Variants in CASTOR2 observed in about 807,000 individuals in gnomAD.
CASTOR2 encodes cytosolic arginine sensor for mTORC1 subunit 2.
CASTOR2 carries 8 observed loss-of-function variants against 31.2 expected under a neutral mutation model. The observed-to-expected ratio is 0.26, with a 90% CI of 0.15 to 0.46. CASTOR2 has a LOEUF of 0.46. CASTOR2 is among the 20% of genes least tolerant of loss of function. The pLI is 0.99. For synonymous variants in CASTOR2, 162 were observed against 158.7 expected (o/e 1.02, Z -0.16); for missense variants, 216 against 382.1 (o/e 0.57, Z 3.62).
At chr7:74,986,622 C>T (rs1554436781) in intron 1 of CASTOR2, among the ~76,000 whole-genome samples, 1 of 152,164 alleles carries the variant, frequency 6.6e-6, no homozygotes, top group Non-Finnish European at 1.5e-5. Context: ...TGCTTCTGAT[C>T]ACCTGCCCCT....
intron 1 of CASTOR2, among the ~76,000 whole-genome samples, chr7:74,982,161 A>T (rs1803958593): frequency 6.8e-6 from 1 of 146,080 alleles, no homozygotes; most frequent in African/African-American, 2.6e-5. Flanking sequence ...TGGAACGCTG[A>T]TAGGGGATGG....
Position 74,996,708 on chromosome 7 carries a change from C to T in CASTOR2, c.114-11286C>T, listed in dbSNP as rs1447419193. Among the ~76,000 whole-genome samples the T allele has an allele frequency of 3.3e-5, 4 of 120,996 alleles. No individual in the cohort carries two copies. The South Asian group carries it at 8.8e-4, about 27-fold the overall frequency. The allele number at this position is 120,996 out of a possible 152,430, so 79.4% of individuals were successfully genotyped here. On this transcript the variant is annotated intron_variant, in intron 1 of 8. Coordinates refer to ENST00000616305, the MANE Select transcript of CASTOR2 (RefSeq NM_001145064.3). The stretch of plus-strand genomic sequence containing the variant: ...TGTTTATGAAAGCAACCACAGCATG[C>T]CTGGTGCTTTTTTTTTTTTTTTTTT...
rs1805086098 is a variant in CASTOR2 at position 75,024,902 on chromosome 7, G to A, written c.*203G>A. ...CTCCATGCCCTCCTGCCTTCCCGGA[G>A]CCCCCCGACCCTCCAGAGAACGACC... On this transcript the variant is annotated 3_prime_UTR_variant, in exon 9 of 9. Coordinates refer to ENST00000616305, the MANE Select transcript of CASTOR2 (RefSeq NM_001145064.3). The A allele has an allele frequency of 1.3e-5, 17 of 1,296,116 alleles. No homozygotes were observed. The highest frequency in any genetic ancestry group is 1.8e-5 in the Non-Finnish European group (17 of 938,304). 80.3% of individuals were successfully genotyped at this position (1,296,116 alleles called of 1,614,324 possible).
chr7:75,010,604 C>G (rs1346849407), intron 2 of CASTOR2, among the ~76,000 whole-genome samples: 1 of 152,112 alleles, frequency 6.6e-6, no homozygotes, highest in African/African-American at 2.4e-5. Flanking sequence ...ACTTTTGAAA[C>G]TGTCTTGCCC....
chr7:74,989,660 C>G (rs1305839771), intron 1 of CASTOR2, among the ~76,000 whole-genome samples: 1 of 151,348 alleles, frequency 6.6e-6, no homozygotes, highest in Admixed American at 6.6e-5. Context: ...AAGCGATCCT[C>G]CCACCCCAGC....
chr7:74,984,254 A>AAGGC (rs1804012890), intron 1 of CASTOR2, among the ~76,000 whole-genome samples: 1 of 149,926 alleles, frequency 6.7e-6, no homozygotes, highest in South Asian at 2.1e-4. Context: ...CCCCTTAGCT[A>AAGGC]AGGCAGGCAG....
intron 2 of CASTOR2, among the ~76,000 whole-genome samples, chr7:75,009,501 C>A (rs1464392169): frequency 6.6e-5 from 10 of 151,944 alleles, no homozygotes; most frequent in African/African-American, 9.7e-5. Context: ...ATCTCCTGAC[C>A]TCGTGATCCA....
chr7:75,012,633 T>G (rs1804780575), intron 2 of CASTOR2, among the ~76,000 whole-genome samples: 3 of 150,668 alleles, frequency 2.0e-5, no homozygotes, highest in African/African-American at 7.3e-5. Context: ...GGATTTTTTG[T>G]TTTTTGTTTT....
chr7:75,017,851 C>A, intron 3 of CASTOR2, 60 bp downstream of exon 3: 1 of 1,613,838 alleles, frequency 6.2e-7, no homozygotes, highest in East Asian at 2.2e-5. Context: ...CACACTCACT[C>A]CCATCTCCCA....
intron 5 of CASTOR2, 39 bp from the exon 6 acceptor site, chr7:75,020,000 A>C (rs1804955104): frequency 1.3e-6 from 2 of 1,537,898 alleles, no homozygotes; most frequent in Admixed American, 3.9e-5. Flanking sequence ...GGCAGGGGCC[A>C]CAGGGGCCCC....
At chr7:74,985,548 C>G (rs1804042156) in intron 1 of CASTOR2, among the ~76,000 whole-genome samples, 1 of 146,676 alleles carries the variant, frequency 6.8e-6, no homozygotes, top group East Asian at 2.0e-4. Context: ...ATCATGCACT[C>G]CAGCCTAGGG....
intron 7 of CASTOR2, among the ~76,000 whole-genome samples, chr7:75,023,945 A>G (rs1043761664): frequency 6.6e-6 from 1 of 152,154 alleles, no homozygotes; most frequent in African/African-American, 2.4e-5. Context: ...GCCAGCGACC[A>G]GAGAAGGCTC....
intron 1 of CASTOR2, among the ~76,000 whole-genome samples, chr7:74,974,449 C>G (rs1355469105): frequency 6.6e-6 from 1 of 150,860 alleles, no homozygotes; most frequent in Non-Finnish European, 1.5e-5. Context: ...GGGGGCATGG[C>G]TGGGAGTGCA....
chr7:74,992,371 G>A (rs1394007883), intron 1 of CASTOR2, among the ~76,000 whole-genome samples: 2 of 152,178 alleles, frequency 1.3e-5, no homozygotes, highest in Non-Finnish European at 2.9e-5. Flanking sequence ...GGAGGCAAAG[G>A]TGGGAGGATG....
chr7:74,982,222 C>G (rs1387237894), intron 1 of CASTOR2, among the ~76,000 whole-genome samples: 11,109 of 137,024 alleles, frequency 0.081, 1,432 homozygotes, highest in African/African-American at 0.28. Flanking sequence ...TCCTTCATTG[C>G]CTTAGAGGTG....
rs1275743051 is a variant in CASTOR2, at chr7:75,008,180, C to T, written c.184+116C>T. On this transcript the variant is annotated intron_variant, in intron 2 of 8. Coordinates refer to ENST00000616305, the MANE Select transcript of CASTOR2 (RefSeq NM_001145064.3). ...TCCTTATTTCTGCCCCCACCTACCT[C>T]CTTACTTCTGCCCTCATCTGCTGGT... 9.2e-6 allele frequency: 12 copies of T among 1,297,434 alleles called. No individual in the cohort carries two copies. In the African/African-American group the frequency reaches 1.2e-4, roughly 13 times the overall value. 80.4% of individuals were successfully genotyped at this position (1,297,434 alleles called of 1,614,324 possible).
At chr7:74,992,691 G>A (rs1463039489) in intron 1 of CASTOR2, among the ~76,000 whole-genome samples, 5 of 152,130 alleles carry the variant, frequency 3.3e-5, no homozygotes, top group Non-Finnish European at 7.4e-5. Flanking sequence ...GCCCACCTCA[G>A]CCTCCCAAAG....
chr7:74,990,626 G>A lies in CASTOR2; in HGVS notation c.114-17368G>A, dbSNP rs1303865220. 3.9e-5 allele frequency among the ~76,000 whole-genome samples: 6 copies of A among 152,248 alleles called. No homozygotes were observed. In the South Asian group the frequency reaches 8.3e-4, roughly 21 times the overall value. ...TCCTAGCACTTTGGGAGGCCAAGGC[G>A]GGTGGATCGCTTGAGGTCAGGAGTT... On this transcript the variant is annotated intron_variant, in intron 1 of 8. Transcript: ENST00000616305.
In CASTOR2 at chr7:75,025,405, G is replaced by A. The variant is rs1417351826; in HGVS notation, c.*706G>A. Among the ~76,000 whole-genome samples, 1 of 152,202 alleles carries A rather than the reference G, an allele frequency of 6.6e-6. No homozygotes were observed. The highest frequency in any genetic ancestry group is 1.5e-5 in the Non-Finnish European group (1 of 68,030). ...CCCCACAAGCACTCAGTCCTTGGGG[G>A]AGGAGGGAGGGTCCCAGGAGACCCA... On this transcript the variant is annotated 3_prime_UTR_variant, in exon 9 of 9. Transcript: ENST00000616305.
Sources: allele counts gnomAD v4.1 joint callset (sites outside exome capture counted in the v4.1 genomes callset), GRCh38; gene constraint gnomAD v4.1.1; transcripts MANE v1.5; gene names NCBI Gene and HGNC (gene_info 2026-07-23, HGNC 2026-07-21).